Variants in AAK1 observed in about 807,000 individuals in gnomAD.
The protein encoded by AAK1 is AP2-associated protein kinase 1.
In AAK1, 37 loss-of-function variants were observed where a neutral mutation model predicts 116.0. The observed-to-expected ratio is 0.32, with a 90% CI of 0.25 to 0.42. The LOEUF (loss-of-function observed/expected upper bound fraction) is 0.42. AAK1 is among the 10% of genes least tolerant of loss of function. The pLI, the probability that AAK1 is intolerant of heterozygous loss-of-function variation, is 1.00. For missense variants in AAK1, 919 were observed against 1,170.6 expected (o/e 0.79, Z 3.14); for synonymous variants, 458 against 439.9 (o/e 1.04, Z -0.51).
intron 15 of AAK1, among the ~76,000 whole-genome samples, chr2:69,506,719 T>C (rs1007618914): frequency 1.3e-5 from 2 of 152,206 alleles, no homozygotes; most frequent in African/African-American, 4.8e-5. Context: ...GTTTGGCCAA[T>C]AGTTCATACC....
chr2:69,507,704 A>G (rs1398065018), intron 14 of AAK1, 126 bp from the exon 15 acceptor site: 3 of 921,674 alleles, frequency 3.3e-6, no homozygotes, highest in East Asian at 2.9e-5. Flanking sequence ...TTTCCACCAC[A>G]GTATTTTTTT....
At chr2:69,542,761 G>A in intron 4 of AAK1, 96 bp from the exon 5 acceptor site, 2 of 1,398,480 alleles carry the variant, frequency 1.4e-6, no homozygotes, top group Non-Finnish European at 9.8e-7. Context: ...GAAGCAGTCT[G>A]GACTAAGGTA....
intron 2 of AAK1, among the ~76,000 whole-genome samples, chr2:69,574,817 A>G (rs1339153746): frequency 6.6e-6 from 1 of 151,812 alleles, no homozygotes; most frequent in East Asian, 1.9e-4. Flanking sequence ...AAAAACAAAC[A>G]AAATAGCTGG....
chr2:69,599,090 C>T lies in AAK1; in HGVS notation c.164-42112G>A, dbSNP rs181302416. The T allele has an allele frequency of 5.6e-5, 10 of 177,732 alleles. No homozygotes were observed. In the East Asian group the frequency reaches 1.7e-3, roughly 31 times the overall value. 11.0% of individuals were successfully genotyped at this position (177,732 alleles called of 1,614,324 possible). ...TCATGAAGAACACACAGACTAGAGA[C>T]TGGAGGGTTAAGGTGTGATTTATTT... is the stretch of plus-strand genomic sequence containing the variant. On this transcript the variant is annotated intron_variant, in intron 2 of 21. Coordinates refer to ENST00000409085, the MANE Select transcript of AAK1 (RefSeq NM_014911.5).
At chr2:69,641,740 A>C (rs903142347) in intron 2 of AAK1, among the ~76,000 whole-genome samples, 1 of 152,008 alleles carries the variant, frequency 6.6e-6, no homozygotes, top group Non-Finnish European at 1.5e-5. Flanking sequence ...CCCTTGCTTC[A>C]ACTTTAGCTT....
In AAK1 at chr2:69,527,990, T is replaced by C. The variant is rs547815172; in HGVS notation, c.872-671A>G. ...TGCTTAAATAATAAAGTGAATGCTC[T>C]GGACACTAAGTTCCAAAAAGATCAG... On this transcript the variant is annotated intron_variant, in intron 8 of 21. Coordinates refer to ENST00000409085, the MANE Select transcript of AAK1 (RefSeq NM_014911.5). Among the ~76,000 whole-genome samples, 6 of 152,340 alleles carry C rather than the reference T, an allele frequency of 3.9e-5. No individual in the cohort carries two copies. The South Asian group carries it at 1.2e-3, about 32-fold the overall frequency.
At chr2:69,570,586 C>T (rs189996698) in intron 2 of AAK1, among the ~76,000 whole-genome samples, 1 of 152,178 alleles carries the variant, frequency 6.6e-6, no homozygotes, top group African/African-American at 2.4e-5. Context: ...CTAGGCTGTT[C>T]TCTAGGTAGG....
In AAK1 at chr2:69,507,485, G is replaced by A. The variant is rs372426003; in HGVS notation, c.2100C>T (p.Asp700=). 3.2e-4 allele frequency: 511 copies of A among 1,612,756 alleles called. No homozygotes were observed. The highest frequency in any genetic ancestry group is 1.1e-3 in the Admixed American group (63 of 59,872). The stretch of plus-strand genomic sequence containing the variant: ...CAGCTGTGAGTTTGGAGAAATTATC[G>A]TCATCAAAGGGATTCCACGTAGACC... ...SEGSTWNPFD[D]DNFSKLTAEE... The change falls in exon 15 of 22, where the codon GAC becomes GAT. Residue 700 remains aspartate (D), a synonymous_variant. Transcript: ENST00000409085.
chr2:69,527,435 G>T, intron 8 of AAK1, 116 bp from the exon 9 acceptor site: 1 of 697,084 alleles, frequency 1.4e-6, no homozygotes, highest in Non-Finnish European at 2.5e-6. Flanking sequence ...ATTTTTCATA[G>T]AAGTCAGACA....
Position 69,530,155 on chromosome 2 carries a change from T to C in AAK1, c.739-15A>G, listed in dbSNP as rs778780738. On this transcript the variant is annotated splice_polypyrimidine_tract_variant and intron_variant, in intron 7 of 21. Coordinates refer to ENST00000409085, the MANE Select transcript of AAK1 (RefSeq NM_014911.5). ...CATCCAAGAGCCTAAAAAATAAAGA[T>C]AGCAGATTGCTACTAGTGGCTTATT... is the stretch of plus-strand genomic sequence containing the variant. 1.6e-5 allele frequency: 25 copies of C among 1,600,102 alleles called. No homozygotes were observed. Among genetic ancestry groups the C allele is most frequent in the Non-Finnish European group, 2.0e-5 (23 of 1,174,764 alleles).
At chr2:69,478,451 T>G (rs1038760069) in intron 20 of AAK1, 1 of 152,516 alleles carries the variant, frequency 6.6e-6, no homozygotes, top group Non-Finnish European at 1.5e-5. Flanking sequence ...AGTACCTGTC[T>G]GCTATTTTTT....
intron 8 of AAK1, 75 bp from the exon 9 acceptor site, chr2:69,527,394 T>C: frequency 1.0e-6 from 1 of 968,144 alleles, no homozygotes; most frequent in Non-Finnish European, 1.6e-6. Context: ...CATTCCTCTC[T>C]CTACTCCCAA....
intron 5 of AAK1, among the ~76,000 whole-genome samples, chr2:69,535,050 T>A (rs1359946713): frequency 2.0e-5 from 3 of 152,228 alleles, no homozygotes; most frequent in Admixed American, 2.0e-4. Context: ...AAATCACTTA[T>A]TCAGCATCAT....
At chr2:69,570,945 G>A (rs886860646) in intron 2 of AAK1, among the ~76,000 whole-genome samples, 2 of 145,248 alleles carry the variant, frequency 1.4e-5, no homozygotes, top group East Asian at 2.1e-4. Flanking sequence ...TAAACTCACA[G>A]CTCTAAGTTT....
Position 69,470,753 on chromosome 2 carries a change from A to G in AAK1, c.*5116T>C. ...AAACAGGGGTTTTACTCTCTCAGGT[A>G]GCCATGATTCATTAATATGTCCTCA... On this transcript the variant is annotated 3_prime_UTR_variant, in exon 22 of 22. Coordinates refer to ENST00000409085, the MANE Select transcript of AAK1 (RefSeq NM_014911.5). The G allele has an allele frequency of 3.0e-6, 3 of 985,766 alleles. No homozygotes were observed. Among genetic ancestry groups the G allele is most frequent in the Non-Finnish European group, 2.4e-6 (2 of 829,932 alleles). The allele number at this position is 985,766 out of a possible 1,614,324, so 61.1% of individuals were successfully genotyped here.
chr2:69,523,443 T>C (rs1476505878), intron 10 of AAK1, among the ~76,000 whole-genome samples: 1 of 152,234 alleles, frequency 6.6e-6, no homozygotes, highest in Non-Finnish European at 1.5e-5. Context: ...ACAGCAGGCA[T>C]TTAATAAATA....
At chr2:69,590,329 G>T (rs564784125) in intron 2 of AAK1, among the ~76,000 whole-genome samples, 1 of 152,230 alleles carries the variant, frequency 6.6e-6, no homozygotes, top group Non-Finnish European at 1.5e-5. Context: ...CAGCAGAAAT[G>T]CTAAGGATTA....
chr2:69,612,044 G>T (rs1674108715), intron 2 of AAK1, among the ~76,000 whole-genome samples: 1 of 152,136 alleles, frequency 6.6e-6, no homozygotes, highest in South Asian at 2.1e-4. Context: ...ACTTTCAGTT[G>T]GGACGATGAA....
intron 16 of AAK1, among the ~76,000 whole-genome samples, chr2:69,504,397 C>CAAAA (rs57214954): frequency 6.4e-4 from 37 of 57,766 alleles, no homozygotes; most frequent in African/African-American, 2.3e-3. Context: ...GACTCCATCT[C>CAAAA]AAAAAAAAAA....
Sources: gnomAD v4.1 joint callset for allele counts (sites outside exome capture counted in the v4.1 genomes callset) on GRCh38, gnomAD v4.1.1 for gene constraint, MANE v1.5 for transcripts, NCBI Gene and HGNC (gene_info 2026-07-23, HGNC 2026-07-21) for gene names.